The following COL5A2 variants were observed in gnomAD, a reference collection of about 807,000 sequenced individuals.
COL5A2 encodes the protein collagen alpha-2(V) chain.
In COL5A2, 23 loss-of-function variants were observed where a neutral mutation model predicts 208.2. That is an observed-to-expected ratio of 0.11 (90% CI 0.08 to 0.16). The LOEUF is 0.16. Ranked by LOEUF, COL5A2 falls within the 10% of genes least tolerant of loss-of-function variation. The pLI, the probability that COL5A2 is intolerant of heterozygous loss-of-function variation, is 1.00. For synonymous variants in COL5A2, 625 were observed against 628.5 expected (o/e 0.99, Z 0.08); for missense variants, 1,590 against 1,956.4 (o/e 0.81, Z 3.53).
rs745528957 is a variant in COL5A2 at position 189,110,297 on chromosome 2, C to G, written c.250G>C (p.Asp84His). 1 of 1,614,068 alleles carries G rather than the reference C, an allele frequency of 6.2e-7. No homozygotes were observed. The highest frequency in any genetic ancestry group is 1.1e-5 in the South Asian group (1 of 91,070). ...IECQDVLDCA[D>H]PVTPPGECCP... ...CATTCCCCAGGGGGCGTTACAGGGT[C>G]GGCACAGTCCAGCACATCCTGGCAT... The change falls in exon 2 of 54, where the codon GAC (aspartate) becomes CAC (histidine). Residue 84 changes from aspartate (D) to histidine (H), a missense_variant. Asp to His is a moderately conservative substitution (Grantham distance 81). Transcript: ENST00000374866.
chr2:189,066,708 A>G, intron 22 of COL5A2, 21 bp downstream of exon 22: 1 of 1,602,498 alleles, frequency 6.2e-7, no homozygotes, highest in South Asian at 1.1e-5. Flanking sequence ...TCTACTTATC[A>G]TTAAAACAAT....
the COL5A2 span, among the ~76,000 whole-genome samples, chr2:189,349,422 T>C: frequency 6.6e-6 from 1 of 152,126 alleles, no homozygotes; most frequent in Admixed American, 6.6e-5. Context: ...CAAATCCAAG[T>C]TGAAAAGAAC....
At chr2:189,195,769 A>T (rs1451914005) in intron 1 of COL5A2, among the ~76,000 whole-genome samples, 1 of 152,188 alleles carries the variant, frequency 6.6e-6, no homozygotes, top group African/African-American at 2.4e-5. Context: ...CATACAAAGA[A>T]AGCTGAAACT....
upstream of COL5A2, among the ~76,000 whole-genome samples, chr2:189,180,493 G>C (rs1183127096): frequency 6.6e-6 from 1 of 152,082 alleles, no homozygotes; most frequent in Non-Finnish European, 1.5e-5. Context: ...CAGAGGAATG[G>C]GAAGTACTCT....
chr2:189,080,922 G>C, intron 13 of COL5A2, 68 bp downstream of exon 13: 2 of 1,290,954 alleles, frequency 1.5e-6, no homozygotes, highest in Non-Finnish European at 2.3e-6. Context: ...AGATTTTGAA[G>C]GTAAATCTCC....
At chr2:189,259,508 C>T in the COL5A2 span, among the ~76,000 whole-genome samples, 10 of 152,132 alleles carry the variant, frequency 6.6e-5, no homozygotes, top group African/African-American at 2.4e-4. Flanking sequence ...ATATGATTAC[C>T]CATGTATTTA....
chr2:189,312,378 A>T, the COL5A2 span, among the ~76,000 whole-genome samples: 4 of 151,916 alleles, frequency 2.6e-5, no homozygotes, highest in Non-Finnish European at 5.9e-5. Context: ...GCCGCCCCAG[A>T]AGCTGGTGGA....
At position 189,061,554 on chromosome 2, in the gene COL5A2, G is replaced by T. The variant is rs1482821395; in HGVS notation, c.2031+8C>A. The T allele has an allele frequency of 1.2e-6, 2 of 1,606,496 alleles. No homozygotes were observed. Among genetic ancestry groups the T allele is most frequent in the Non-Finnish European group, 8.5e-7 (1 of 1,173,748 alleles). The stretch of plus-strand genomic sequence containing the variant: ...GAAGATGAAATGGAAAACCGAATTA[G>T]TGCATACCTGAAAACCTGTGGGGCC... On this transcript the variant is annotated splice_region_variant and intron_variant, in intron 30 of 53. Transcript: ENST00000374866.
the COL5A2 span, among the ~76,000 whole-genome samples, chr2:189,235,597 C>T: frequency 3.3e-5 from 5 of 151,738 alleles, no homozygotes; most frequent in Admixed American, 2.0e-4. Context: ...TTCTTTTAGT[C>T]AGCATTATAT....
chr2:189,068,894 T>C lies in COL5A2; in HGVS notation c.1159-10A>G, dbSNP rs767892138. 13 of 1,572,696 alleles carry C rather than the reference T, an allele frequency of 8.3e-6. No individual in the cohort carries two copies. The Admixed American group carries it at 2.2e-4, about 26-fold the overall frequency. ...TAGGACCTGCTTCTCCCTAAAAGGG[T>C]GCAAAGGGAAATGTTAATTTAAGAA... On this transcript the variant is annotated splice_polypyrimidine_tract_variant and intron_variant, in intron 18 of 53. Transcript: ENST00000374866.
At chr2:189,440,597 T>C in the COL5A2 span, among the ~76,000 whole-genome samples, 1 of 152,260 alleles carries the variant, frequency 6.6e-6, no homozygotes, top group Non-Finnish European at 1.5e-5. Flanking sequence ...TTGGTAATTT[T>C]GTGGTAAATC....
chr2:189,372,021 T>C, the COL5A2 span, among the ~76,000 whole-genome samples: 1 of 152,162 alleles, frequency 6.6e-6, no homozygotes, highest in Non-Finnish European at 1.5e-5. Context: ...AAAGAATGTT[T>C]TCAGGGGCCA....
chr2:189,343,221 T>C, the COL5A2 span, among the ~76,000 whole-genome samples: 11 of 152,098 alleles, frequency 7.2e-5, no homozygotes, highest in Non-Finnish European at 1.3e-4. Context: ...CCATAGTCCA[T>C]AATTTGAATC....
intron 1 of COL5A2, 68 bp from the exon 2 acceptor site, chr2:189,110,517 C>A: frequency 6.8e-7 from 1 of 1,465,442 alleles, no homozygotes. Context: ...AAAAGGTGAG[C>A]CATCTTGTGG....
At chr2:189,358,480 TG>T in the COL5A2 span, among the ~76,000 whole-genome samples, 1 of 152,332 alleles carries the variant, frequency 6.6e-6, no homozygotes, top group South Asian at 2.1e-4. Flanking sequence ...GCTATAGCCT[TG>T]TAGGATATTT....
the COL5A2 span, among the ~76,000 whole-genome samples, chr2:189,300,026 G>C: frequency 2.0e-5 from 3 of 152,100 alleles, no homozygotes; most frequent in South Asian, 2.1e-4. Flanking sequence ...AGAATAGCCT[G>C]TTCAGCAAAT....
chr2:189,352,488 T>G, the COL5A2 span, among the ~76,000 whole-genome samples: 1 of 152,314 alleles, frequency 6.6e-6, no homozygotes, highest in South Asian at 2.1e-4. Flanking sequence ...ATGATCGCCA[T>G]TCTAACTGGT....
At chr2:189,337,820 CA>C in the COL5A2 span, among the ~76,000 whole-genome samples, 60,137 of 143,368 alleles carry the variant, frequency 0.42, 12,424 homozygotes, top group African/African-American at 0.52. Flanking sequence ...TCCATCCTAG[CA>C]AAAAAAAAAA....
chr2:189,079,026 C>A (rs748414446), intron 15 of COL5A2, 37 bp downstream of exon 15: 5 of 1,547,814 alleles, frequency 3.2e-6, no homozygotes, highest in Admixed American at 1.7e-5. Context: ...GGAAATATAA[C>A]CTTAGAAATT....
Sources: allele counts gnomAD v4.1 joint callset (sites outside exome capture counted in the v4.1 genomes callset), GRCh38; gene constraint gnomAD v4.1.1; transcripts MANE v1.5; gene names NCBI Gene and HGNC (gene_info 2026-07-23, HGNC 2026-07-21).